The following KCNMA1 variants were observed in gnomAD, a reference collection of about 807,000 sequenced individuals.
KCNMA1 encodes Calcium-activated potassium channel subunit alpha-1.
Under a neutral mutation model 140.0 loss-of-function variants are expected in KCNMA1, and 29 were observed. That is an observed-to-expected ratio of 0.21 (90% CI 0.15 to 0.28). The LOEUF (loss-of-function observed/expected upper bound fraction) is 0.28, where lower values mean the gene tolerates loss of function less well. KCNMA1 is among the 10% of genes least tolerant of loss of function. The pLI, the probability that KCNMA1 is intolerant of heterozygous loss-of-function variation, is 1.00. For missense variants in KCNMA1, 880 were observed against 1,602.2 expected (o/e 0.55, Z 7.70); for synonymous variants, 612 against 611.9 (o/e 1.00, Z 0.00).
intron 1 of KCNMA1, among the ~76,000 whole-genome samples, chr10:77,565,590 G>A (rs564496956): frequency 2.6e-5 from 4 of 152,164 alleles, no homozygotes; most frequent in Non-Finnish European, 5.9e-5. Flanking sequence ...TGCCACCAAC[G>A]CACTGTGTGA....
At chr10:77,225,255 G>T (rs1404129803) in intron 3 of KCNMA1, among the ~76,000 whole-genome samples, 1 of 152,134 alleles carries the variant, frequency 6.6e-6, no homozygotes, top group Non-Finnish European at 1.5e-5. Flanking sequence ...AAAAAAGACT[G>T]GCATTGAAGC....
At chr10:77,257,841 G>A (rs2061128977) in intron 2 of KCNMA1, among the ~76,000 whole-genome samples, 1 of 152,162 alleles carries the variant, frequency 6.6e-6, no homozygotes, top group African/African-American at 2.4e-5. Flanking sequence ...GCTCCTCCTT[G>A]CCTTCCGCCA....
intron 2 of KCNMA1, among the ~76,000 whole-genome samples, chr10:77,255,738 C>A (rs983183848): frequency 6.6e-6 from 1 of 151,916 alleles, no homozygotes; most frequent in Non-Finnish European, 1.5e-5. Flanking sequence ...ATGGTGAAAC[C>A]CTGTCTCTAC....
intron 2 of KCNMA1, among the ~76,000 whole-genome samples, chr10:77,340,958 A>G (rs1371886880): frequency 1.3e-5 from 2 of 152,070 alleles, no homozygotes; most frequent in Non-Finnish European, 2.9e-5. Context: ...GTACTACAAA[A>G]CAGAATGACT....
intron 2 of KCNMA1, among the ~76,000 whole-genome samples, chr10:77,382,342 A>G (rs1464197508): frequency 1.3e-5 from 2 of 152,198 alleles, no homozygotes; most frequent in Non-Finnish European, 2.9e-5. Context: ...TAACAAGTCT[A>G]TGAAACAGGT....
chr10:77,430,961 C>T (rs2097140548), intron 1 of KCNMA1, among the ~76,000 whole-genome samples: 1 of 152,222 alleles, frequency 6.6e-6, no homozygotes, highest in South Asian at 2.1e-4. Flanking sequence ...CCAATCCTCT[C>T]TGTCCTCTTC....
At chr10:77,407,936 G>A (rs1035451116) in intron 1 of KCNMA1, among the ~76,000 whole-genome samples, 2 of 152,184 alleles carry the variant, frequency 1.3e-5, no homozygotes, top group Non-Finnish European at 1.5e-5. Flanking sequence ...GGATAAGGAG[G>A]TGCAGGTTCT....
chr10:77,073,431 GTC>G (rs1409915551), intron 13 of KCNMA1, among the ~76,000 whole-genome samples, 179 bp from the exon 14 acceptor site: 5 of 152,042 alleles, frequency 3.3e-5, no homozygotes, highest in Non-Finnish European at 4.4e-5. Flanking sequence ...TCACACTTCA[GTC>G]TCTCTGGACT....
intron 1 of KCNMA1, among the ~76,000 whole-genome samples, chr10:77,561,282 T>C (rs540288812): frequency 6.6e-6 from 1 of 152,314 alleles, no homozygotes; most frequent in African/African-American, 2.4e-5. Context: ...GTGATACCAG[T>C]GAATGTATTA....
intron 5 of KCNMA1, among the ~76,000 whole-genome samples, chr10:77,162,916 C>T (rs1232581990): frequency 6.6e-6 from 1 of 152,198 alleles, no homozygotes; most frequent in Non-Finnish European, 1.5e-5. Context: ...ACGGTCGTGA[C>T]TCATCCTCGG....
chr10:77,087,261 G>A (rs990202602), intron 10 of KCNMA1, among the ~76,000 whole-genome samples: 66 of 152,238 alleles, frequency 4.3e-4, no homozygotes, highest in African/African-American at 1.6e-3. Flanking sequence ...CTGGTGGCAG[G>A]CAGTGGGACT....
intron 2 of KCNMA1, among the ~76,000 whole-genome samples, chr10:77,293,402 G>A (rs558106024): frequency 2.0e-4 from 30 of 152,260 alleles, no homozygotes; most frequent in South Asian, 6.2e-4. Flanking sequence ...AGGGAGAAAC[G>A]GTGGTTCCCT....
chr10:77,058,402 C>A (rs2095620492), intron 14 of KCNMA1, among the ~76,000 whole-genome samples: 1 of 151,976 alleles, frequency 6.6e-6, no homozygotes, highest in South Asian at 2.1e-4. Context: ...ACACCATTAG[C>A]CGACTAGTAA....
intron 2 of KCNMA1, among the ~76,000 whole-genome samples, chr10:77,342,290 T>C (rs894227163): frequency 4.1e-4 from 63 of 152,378 alleles, no homozygotes; most frequent in Non-Finnish European, 4.3e-4. Context: ...GCATTTATTA[T>C]ATGCCAGGCA....
At chr10:76,984,201 C>CTT (rs11369702) in intron 19 of KCNMA1, among the ~76,000 whole-genome samples, 13,484 of 149,068 alleles carry the variant, frequency 0.09, 751 homozygotes, top group East Asian at 0.2. Flanking sequence ...TTATTATTTA[C>CTT]TTTTTTTTTT....
chr10:77,393,525 G>A (rs994008547), intron 2 of KCNMA1, among the ~76,000 whole-genome samples: 1 of 152,248 alleles, frequency 6.6e-6, no homozygotes, highest in Non-Finnish European at 1.5e-5. Flanking sequence ...ACTGAGGTAT[G>A]AGACAATGAA....
At chr10:77,324,413 C>T (rs1173661195) in intron 2 of KCNMA1, among the ~76,000 whole-genome samples, 1 of 152,210 alleles carries the variant, frequency 6.6e-6, no homozygotes, top group Non-Finnish European at 1.5e-5. Flanking sequence ...ACATTATAAA[C>T]ATCCAAGAGC....
intron 1 of KCNMA1, among the ~76,000 whole-genome samples, chr10:77,409,932 A>T (rs1055575877): frequency 2.0e-5 from 3 of 152,080 alleles, no homozygotes; most frequent in African/African-American, 7.2e-5. Context: ...CTGCCTTGTC[A>T]CCCTGCCTGA....
At chr10:76,889,421 TG>T in intron 27 of KCNMA1, 29 bp downstream of exon 27, 1 of 1,387,174 alleles carries the variant, frequency 7.2e-7, no homozygotes, top group South Asian at 1.2e-5. Flanking sequence ...TGTGATTAGG[TG>T]GGAGGGCAGA....
Sources: gnomAD v4.1 joint callset for allele counts (sites outside exome capture counted in the v4.1 genomes callset) on GRCh38, gnomAD v4.1.1 for gene constraint, MANE v1.5 for transcripts, NCBI Gene and HGNC (gene_info 2026-07-23, HGNC 2026-07-21) for gene names.